PCDHA12: variants seen among roughly 807,000 people sequenced by gnomAD.
PCDHA12 encodes the protein protocadherin alpha-12.
A neutral mutation model predicts 60.0 loss-of-function variants in PCDHA12; 44 were observed. The observed-to-expected ratio is 0.73, with a 90% CI of 0.58 to 0.94. The LOEUF is 0.94. Ranked by LOEUF, PCDHA12 falls within the 40% of genes least tolerant of loss-of-function variation. The pLI, the probability that PCDHA12 is intolerant of heterozygous loss-of-function variation, is 0.00. For missense variants in PCDHA12, 1,276 were observed against 1,239.7 expected, an observed-to-expected ratio of 1.03 and a Z score of -0.44; for synonymous variants, 569 against 553.0, an observed-to-expected ratio of 1.03 and a Z score of -0.40.
rs1484271840 is a variant in PCDHA12 at position 140,900,260 on chromosome 5, A to G, written c.2367+22421A>G. Among the ~76,000 whole-genome samples the G allele has an allele frequency of 4.0e-5, 6 of 151,898 alleles. No homozygotes were observed. In the South Asian group the frequency reaches 1.0e-3, roughly 26 times the overall value. ...TTTTTTTATGGCTGAATAGTACTCC[A>G]TTGTGTATATGTACCACACTTTCTT... On this transcript the variant is annotated intron_variant, in intron 1 of 3. Coordinates refer to ENST00000398631, the MANE Select transcript of PCDHA12 (RefSeq NM_018903.4).
intron 3 of PCDHA12, among the ~76,000 whole-genome samples, chr5:140,985,009 C>T (rs567801905): frequency 9.3e-4 from 141 of 152,162 alleles, no homozygotes; most frequent in African/African-American, 3.3e-3. Flanking sequence ...ACGATATCGG[C>T]TCACAGCAAC....
intron 1 of PCDHA12, chr5:140,883,780 G>C (rs903874944): frequency 1.2e-6 from 2 of 1,612,370 alleles, no homozygotes; most frequent in Admixed American, 1.7e-5. Flanking sequence ...AGCGTGCGCT[G>C]TCGAGCTACG....
chr5:140,998,965 G>C (rs1320225650), intron 3 of PCDHA12, among the ~76,000 whole-genome samples: 1 of 152,232 alleles, frequency 6.6e-6, no homozygotes, highest in Non-Finnish European at 1.5e-5. Context: ...TAATCAAATA[G>C]TATCCTAGAA....
chr5:141,005,666 C>T (rs1304126376), intron 3 of PCDHA12, among the ~76,000 whole-genome samples: 2 of 130,134 alleles, frequency 1.5e-5, no homozygotes, highest in Non-Finnish European at 3.1e-5. Context: ...CGCGCCACTG[C>T]ACTCCAGCCT....
At chr5:140,895,143 A>C (rs115893558) in intron 1 of PCDHA12, among the ~76,000 whole-genome samples, 3,577 of 152,272 alleles carry the variant, frequency 0.023, 51 homozygotes, top group Middle Eastern at 0.034. Flanking sequence ...CATAGGGCTA[A>C]GACAGGTTTA....
intron 1 of PCDHA12, among the ~76,000 whole-genome samples, chr5:140,888,380 A>G (rs1348796416): frequency 6.6e-6 from 1 of 152,192 alleles, no homozygotes; most frequent in East Asian, 1.9e-4. Context: ...GAGCTCTGAG[A>G]TGCTGCTAAA....
At chr5:140,878,103 G>A (rs2153358436) in intron 1 of PCDHA12, 1 of 261,846 alleles carries the variant, frequency 3.8e-6, no homozygotes, top group East Asian at 7.9e-5. Context: ...GATGAACCTT[G>A]AAAAAAACAG....
At position 141,000,188 on chromosome 5, in the gene PCDHA12, A is replaced by G. The variant is rs182049578; in HGVS notation, c.2516-9439A>G. 8.6e-3 allele frequency among the ~76,000 whole-genome samples: 1,302 copies of G among 151,928 alleles called. 5 individuals carry two copies. Among genetic ancestry groups the G allele is most frequent in the Middle Eastern group, 0.017 (5 of 294 alleles). ...ATTATTGAGCCAAGGAGTCAATGTG[A>G]GAATAGTTTTTCACCTTCATTATCA... is the stretch of plus-strand genomic sequence containing the variant. On this transcript the variant is annotated intron_variant, in intron 3 of 3. Coordinates refer to ENST00000398631, the MANE Select transcript of PCDHA12 (RefSeq NM_018903.4).
At chr5:141,009,173 G>A (rs1486905042) in intron 3 of PCDHA12, among the ~76,000 whole-genome samples, 3 of 152,204 alleles carry the variant, frequency 2.0e-5, no homozygotes, top group African/African-American at 7.2e-5. Flanking sequence ...TACTGGCCTT[G>A]GCTGGGTGTG....
At chr5:140,926,972 C>A (rs782504064) in intron 1 of PCDHA12, 2 of 1,609,464 alleles carry the variant, frequency 1.2e-6, no homozygotes. Flanking sequence ...TACTCAGTGC[C>A]GGAGGAGACG....
chr5:140,876,411 T>C lies in PCDHA12; in HGVS notation c.939T>C (p.Asn313=), dbSNP rs782457800. The C allele has an allele frequency of 6.2e-7, 1 of 1,613,974 alleles. No individual in the cohort carries two copies. The highest frequency in any genetic ancestry group is 1.1e-5 in the South Asian group (1 of 91,088). The change falls in exon 1 of 4, where the codon AAT becomes AAC. Residue 313 remains asparagine (N), a synonymous_variant. Transcript: ENST00000398631. The part of the protein sequence containing the change: ...RIYGELDFEE[N]NAYEIQVNAI... Reference sequence around the variant, plus strand: ...ATGGTGAACTGGATTTTGAAGAGAATAATGCCTATGAAATTCAGGTTAACG... The same window carrying C: ...ATGGTGAACTGGATTTTGAAGAGAACAATGCCTATGAAATTCAGGTTAACG...
intron 1 of PCDHA12, among the ~76,000 whole-genome samples, chr5:140,964,816 T>A (rs79964853): frequency 0.016 from 2,494 of 151,960 alleles, 68 homozygotes; most frequent in African/African-American, 0.056. Context: ...CAGGAATAGA[T>A]TTTGATGAAA....
chr5:140,994,318 C>G (rs782231160), intron 3 of PCDHA12, among the ~76,000 whole-genome samples: 18 of 152,300 alleles, frequency 1.2e-4, no homozygotes, highest in Non-Finnish European at 1.6e-4. Context: ...CCCAAACACT[C>G]TCAGCAACCA....
At chr5:140,917,340 T>TGGGGG (rs2078149834) in intron 1 of PCDHA12, among the ~76,000 whole-genome samples, 2 of 133,058 alleles carry the variant, frequency 1.5e-5, no homozygotes, top group African/African-American at 2.7e-5. Flanking sequence ...AGGGGGGGGA[T>TGGGGG]GGTGTAGGCT....
chr5:140,876,567 G>A lies in PCDHA12; in HGVS notation c.1095G>A (p.Val365=), dbSNP rs782286416. Residue 365 remains valine (V), a synonymous_variant, in exon 1 of 4, where the codon GTG becomes GTA. Coordinates refer to ENST00000398631, the MANE Select transcript of PCDHA12 (RefSeq NM_018903.4). ...TCCCTGTGCAAGAGGATGCTCAGGT[G>A]GGTACCGTCATTGCCCTGATTAGCG... The part of the protein sequence containing the change: ...LSLPVQEDAQ[V]GTVIALISVS... The A allele has an allele frequency of 6.2e-7, 1 of 1,614,186 alleles. No homozygotes were observed. The highest frequency in any genetic ancestry group is 8.5e-7 in the Non-Finnish European group (1 of 1,180,030).
At chr5:140,999,345 C>A (rs2097854633) in intron 3 of PCDHA12, among the ~76,000 whole-genome samples, 1 of 152,178 alleles carries the variant, frequency 6.6e-6, no homozygotes, top group Non-Finnish European at 1.5e-5. Flanking sequence ...TAAGCCTTGT[C>A]TCTTTTTAAT....
chr5:140,882,331 C>A, intron 1 of PCDHA12: 1 of 1,614,214 alleles, frequency 6.2e-7, no homozygotes, highest in South Asian at 1.1e-5. Context: ...TTCTGATCCT[C>A]GCAGCCTGGG....
chr5:140,915,517 G>T (rs982535213), intron 1 of PCDHA12, among the ~76,000 whole-genome samples: 17 of 152,066 alleles, frequency 1.1e-4, no homozygotes, highest in African/African-American at 4.1e-4. Flanking sequence ...TTGCAGACTA[G>T]TAGAGGTACC....
At chr5:140,992,486 A>G (rs2097515048) in intron 3 of PCDHA12, among the ~76,000 whole-genome samples, 1 of 152,182 alleles carries the variant, frequency 6.6e-6, no homozygotes, top group Non-Finnish European at 1.5e-5. Flanking sequence ...CCAGAGGCCA[A>G]TCTGTAAGGA....
Sources: gnomAD v4.1 joint callset for allele counts (sites outside exome capture counted in the v4.1 genomes callset) on GRCh38, gnomAD v4.1.1 for gene constraint, MANE v1.5 for transcripts, NCBI Gene and HGNC (gene_info 2026-07-23, HGNC 2026-07-21) for gene names.